OXSR1: variants seen among roughly 807,000 people sequenced by gnomAD.
OXSR1 encodes the protein serine/threonine-protein kinase OSR1.
In OXSR1, 24 loss-of-function variants were observed where a neutral mutation model predicts 79.8. The observed-to-expected ratio is 0.30, with a 90% confidence interval of 0.22 to 0.42. The LOEUF (loss-of-function observed/expected upper bound fraction) is 0.42, where lower values mean the gene tolerates loss of function less well. Among genes scored for constraint, OXSR1 ranks in the 10% least tolerant of loss-of-function variants. The pLI, the probability that OXSR1 is intolerant of heterozygous loss-of-function variation, is 1.00. For missense variants in OXSR1, 430 were observed against 618.4 expected (o/e 0.70, Z 3.23); for synonymous variants, 226 against 209.2 (o/e 1.08, Z -0.69).
chr3:38,175,091 G>T (rs2125802741), intron 1 of OXSR1, among the ~76,000 whole-genome samples: 1 of 152,318 alleles, frequency 6.6e-6, no homozygotes, highest in East Asian at 1.9e-4. Flanking sequence ...TGGTTCAGGT[G>T]ACAATACTTT....
chr3:38,234,239 AAGT>A (rs1372982429), intron 10 of OXSR1, among the ~76,000 whole-genome samples: 4 of 152,234 alleles, frequency 2.6e-5, no homozygotes, highest in Non-Finnish European at 5.9e-5. Flanking sequence ...TAAAAGGAAA[AAGT>A]AGGTAAATTG....
At chr3:38,211,484 A>G (rs932931727) in intron 4 of OXSR1, among the ~76,000 whole-genome samples, 2 of 152,166 alleles carry the variant, frequency 1.3e-5, no homozygotes, top group African/African-American at 4.8e-5. Context: ...TGTTTTAAAG[A>G]TAGATCTTAT....
At chr3:38,223,979 G>A in intron 7 of OXSR1, 66 bp downstream of exon 7, 1 of 947,884 alleles carries the variant, frequency 1.1e-6, no homozygotes, top group East Asian at 2.6e-5. Context: ...CCATTTGCCA[G>A]TCTTTTAATT....
chr3:38,233,469 T>C (rs989533372), intron 10 of OXSR1, among the ~76,000 whole-genome samples: 1 of 152,126 alleles, frequency 6.6e-6, no homozygotes, highest in African/African-American at 2.4e-5. Flanking sequence ...CTCTTAAATA[T>C]GAGCATAGAT....
At chr3:38,212,933 T>A (rs536595818) in intron 4 of OXSR1, among the ~76,000 whole-genome samples, 6 of 152,310 alleles carry the variant, frequency 3.9e-5, no homozygotes, top group Non-Finnish European at 7.4e-5. Flanking sequence ...ACTGTGGTGT[T>A]TTTTATTGTC....
At chr3:38,235,067 A>G (rs1473420819) in intron 10 of OXSR1, among the ~76,000 whole-genome samples, 1 of 152,222 alleles carries the variant, frequency 6.6e-6, no homozygotes, top group African/African-American at 2.4e-5. Flanking sequence ...GATTAGTGGT[A>G]ACTTAGGACT....
At chr3:38,234,253 A>G (rs1303480032) in intron 10 of OXSR1, among the ~76,000 whole-genome samples, 2 of 152,224 alleles carry the variant, frequency 1.3e-5, no homozygotes, top group Non-Finnish European at 2.9e-5. Context: ...AGGTAAATTG[A>G]TTTTATCAAA....
intron 3 of OXSR1, among the ~76,000 whole-genome samples, chr3:38,195,339 A>T (rs1702054439): frequency 6.6e-6 from 1 of 152,202 alleles, no homozygotes; most frequent in Non-Finnish European, 1.5e-5. Flanking sequence ...CTAAGAGATA[A>T]AATGCATGGG....
chr3:38,240,075 A>G (rs987765157), intron 11 of OXSR1, among the ~76,000 whole-genome samples: 4 of 152,204 alleles, frequency 2.6e-5, no homozygotes, highest in East Asian at 1.9e-4. Context: ...GTGGAAGTCT[A>G]CAATTATATT....
chr3:38,183,142 G>A, intron 2 of OXSR1, 27 bp downstream of exon 2: 1 of 1,204,328 alleles, frequency 8.3e-7, no homozygotes, highest in Non-Finnish European at 1.2e-6. Flanking sequence ...CTTCTGAAAT[G>A]GAGAGATATA....
At chr3:38,248,084 T>C (rs923692661) in intron 14 of OXSR1, among the ~76,000 whole-genome samples, 1 of 152,148 alleles carries the variant, frequency 6.6e-6, no homozygotes, top group African/African-American at 2.4e-5. Flanking sequence ...AGATCAGTCT[T>C]ATAATTGTGA....
intron 10 of OXSR1, among the ~76,000 whole-genome samples, chr3:38,232,525 C>T (rs957738347): frequency 3.9e-5 from 6 of 152,080 alleles, no homozygotes; most frequent in Non-Finnish European, 5.9e-5. Flanking sequence ...GAGGCTGAGG[C>T]GGATGGATTG....
intron 5 of OXSR1, 105 bp from the exon 6 acceptor site, chr3:38,221,473 A>T (rs1325964046): frequency 1.6e-6 from 1 of 625,364 alleles, no homozygotes; most frequent in Non-Finnish European, 2.9e-6. Flanking sequence ...AGAAACTATC[A>T]TGCTTTTTAT....
intron 4 of OXSR1, among the ~76,000 whole-genome samples, chr3:38,199,145 T>A (rs1221727468): frequency 6.6e-6 from 1 of 152,212 alleles, no homozygotes; most frequent in Non-Finnish European, 1.5e-5. Context: ...GGTTAAAAAA[T>A]ATCTAAAACA....
In OXSR1 at chr3:38,236,718, T is replaced by G. The variant is rs1334135135; in HGVS notation, c.952-121T>G. On this transcript the variant is annotated intron_variant, in intron 10 of 17. Transcript: ENST00000311806. Reference sequence around the variant, plus strand: ...AGGATATGAATTTGTATGGGAACATTTATGGGGAAAATGATTATCTACTTA... The same window carrying G: ...AGGATATGAATTTGTATGGGAACATGTATGGGGAAAATGATTATCTACTTA... 1.4e-5 allele frequency: 12 copies of G among 885,272 alleles called. No homozygotes were observed. The Admixed American group carries it at 3.0e-4, about 22-fold the overall frequency. 54.8% of individuals were successfully genotyped at this position (885,272 alleles called of 1,614,324 possible).
intron 11 of OXSR1, among the ~76,000 whole-genome samples, chr3:38,237,555 G>A (rs1209108952): frequency 2.6e-5 from 4 of 152,176 alleles, no homozygotes; most frequent in Admixed American, 6.5e-5. Context: ...GCTTAGGACT[G>A]TTTTTGTGGG....
chr3:38,182,911 G>C, intron 1 of OXSR1, 92 bp from the exon 2 acceptor site: 1 of 689,988 alleles, frequency 1.4e-6, no homozygotes, highest in Non-Finnish European at 2.5e-6. Context: ...AACAAGATAA[G>C]GATTACTCTT....
At chr3:38,208,362 T>C (rs1702311602) in intron 4 of OXSR1, among the ~76,000 whole-genome samples, 1 of 152,174 alleles carries the variant, frequency 6.6e-6, no homozygotes, top group Non-Finnish European at 1.5e-5. Context: ...GTAGAAAATA[T>C]CATTAAGTCA....
At position 38,165,867 on chromosome 3, in the gene OXSR1, T is replaced by A. The variant is rs1298395345; in HGVS notation, c.-10T>A. Reference sequence around the variant, plus strand: ...AGTTTGAGGGAGGACCGCGAGCCGCTGCCGCCGTCATGTCCGAGGACTCGA... The same window carrying A: ...AGTTTGAGGGAGGACCGCGAGCCGCAGCCGCCGTCATGTCCGAGGACTCGA... On this transcript the variant is annotated 5_prime_UTR_variant, in exon 1 of 18. Coordinates refer to ENST00000311806, the MANE Select transcript of OXSR1 (RefSeq NM_005109.3). 1 of 1,608,138 alleles carries A rather than the reference T, an allele frequency of 6.2e-7. No individual in the cohort carries two copies. Among genetic ancestry groups the A allele is most frequent in the South Asian group, 1.1e-5 (1 of 90,330 alleles).
Sources: gnomAD v4.1 joint callset for allele counts (sites outside exome capture counted in the v4.1 genomes callset) on GRCh38, gnomAD v4.1.1 for gene constraint, MANE v1.5 for transcripts, NCBI Gene and HGNC (gene_info 2026-07-23, HGNC 2026-07-21) for gene names.